TBC1D5: variants seen among roughly 807,000 people sequenced by gnomAD.
TBC1D5 encodes TBC1 domain family, member 5.
In TBC1D5, 75 loss-of-function variants were observed where a neutral mutation model predicts 100.3. That is an observed-to-expected ratio of 0.75 (90% CI 0.62 to 0.91). The LOEUF (loss-of-function observed/expected upper bound fraction) is 0.91, where lower values mean the gene tolerates loss of function less well. Among genes scored for constraint, TBC1D5 ranks in the 40% least tolerant of loss-of-function variants. The pLI, the probability that TBC1D5 is intolerant of heterozygous loss-of-function variation, is 0.00. For missense variants in TBC1D5, 910 were observed against 942.4 expected, an observed-to-expected ratio of 0.97 and a Z score of 0.45; for synonymous variants, 323 against 325.6, an observed-to-expected ratio of 0.99 and a Z score of 0.09.
At chr3:17,310,971 C>T (rs2083962499) in intron 13 of TBC1D5, among the ~76,000 whole-genome samples, 1 of 151,970 alleles carries the variant, frequency 6.6e-6, no homozygotes, top group South Asian at 2.1e-4. Flanking sequence ...ATTCACAACA[C>T]ACAAATTTCC....
At chr3:17,210,648 A>C (rs1344576933) in intron 18 of TBC1D5, among the ~76,000 whole-genome samples, 1 of 152,204 alleles carries the variant, frequency 6.6e-6, no homozygotes, top group Non-Finnish European at 1.5e-5. Context: ...GAACTTTTTC[A>C]GTAATACATC....
At chr3:17,357,460 C>A (rs927730309) in intron 13 of TBC1D5, among the ~76,000 whole-genome samples, 1 of 152,112 alleles carries the variant, frequency 6.6e-6, no homozygotes, top group Non-Finnish European at 1.5e-5. Flanking sequence ...TAGGATTTGG[C>A]ACTGTTGTCA....
exon 3 of TBC1D5, chr3:17,508,501 A>T: frequency 6.2e-7 from 1 of 1,613,674 alleles, no homozygotes; most frequent in Non-Finnish European, 8.5e-7. Context: ...TAACTGGACA[A>T]GGGGTCAATG....
At chr3:17,742,188 G>A (rs9847804), upstream of TBC1D5, among the ~76,000 whole-genome samples, 136 of 152,182 alleles carry the variant, frequency 8.9e-4, 1 homozygote, top group African/African-American at 3.1e-3. Context: ...TGCCCGCCAG[G>A]GAGCTGAAGG....
rs190217298 is a variant in TBC1D5 at position 17,180,187 on chromosome 3, C to T, written c.1852+4922G>A. On this transcript the variant is annotated intron_variant, in intron 19 of 21. Transcript: ENST00000253692. ...GGTTTAATAAAACATATTTTCAATT[C>T]CTGTCTCTAAACCTTTGAATTCAAA... 3.3e-5 allele frequency among the ~76,000 whole-genome samples: 5 copies of T among 152,300 alleles called. No homozygotes were observed. The East Asian group carries it at 9.6e-4, about 29-fold the overall frequency.
intron 1 of TBC1D5, among the ~76,000 whole-genome samples, chr3:17,712,512 C>T (rs1321004694): frequency 6.6e-6 from 1 of 152,144 alleles, no homozygotes; most frequent in Non-Finnish European, 1.5e-5. Flanking sequence ...GAAGAAAAGC[C>T]TTACAGAATC....
intron 1 of TBC1D5, among the ~76,000 whole-genome samples, chr3:17,647,788 A>G (rs960141117): frequency 6.6e-6 from 1 of 152,200 alleles, no homozygotes; most frequent in Non-Finnish European, 1.5e-5. Flanking sequence ...TCTGATAATC[A>G]TTACAAAAGA....
chr3:17,572,786 C>A (rs2096635605), intron 2 of TBC1D5, among the ~76,000 whole-genome samples: 1 of 152,010 alleles, frequency 6.6e-6, no homozygotes, highest in Admixed American at 6.6e-5. Flanking sequence ...TCAGGCATAT[C>A]ATTATTCACT....
chr3:17,350,002 CG>C, intron 13 of TBC1D5, among the ~76,000 whole-genome samples: 1 of 152,042 alleles, frequency 6.6e-6, no homozygotes, highest in South Asian at 2.1e-4. Context: ...TATTGTTGCC[CG>C]GGTGTTTCAT....
intron 2 of TBC1D5, among the ~76,000 whole-genome samples, chr3:17,531,074 T>G (rs1262487333): frequency 6.6e-6 from 1 of 152,222 alleles, no homozygotes; most frequent in Non-Finnish European, 1.5e-5. Context: ...TGATTGTATA[T>G]CTAGAAAACC....
intron 1 of TBC1D5, among the ~76,000 whole-genome samples, chr3:17,654,583 T>C (rs1328478241): frequency 1.3e-5 from 2 of 152,232 alleles, no homozygotes; most frequent in Non-Finnish European, 2.9e-5. Flanking sequence ...TGAGGATTTT[T>C]GCATCAATGT....
At chr3:17,419,300 C>G (rs1349358891) in intron 4 of TBC1D5, among the ~76,000 whole-genome samples, 1 of 152,158 alleles carries the variant, frequency 6.6e-6, no homozygotes, top group Non-Finnish European at 1.5e-5. Flanking sequence ...GCCCCTGTAA[C>G]CAAAGTTCTC....
intron 3 of TBC1D5, among the ~76,000 whole-genome samples, chr3:17,506,300 C>T (rs959422087): frequency 2.0e-5 from 3 of 152,090 alleles, no homozygotes; most frequent in Non-Finnish European, 4.4e-5. Context: ...AAAATATTTA[C>T]CTATACAATG....
intron 3 of TBC1D5, among the ~76,000 whole-genome samples, chr3:17,475,019 A>T (rs1389924483): frequency 2.0e-5 from 3 of 152,154 alleles, no homozygotes; most frequent in Non-Finnish European, 2.9e-5. Flanking sequence ...ATTATTAAGC[A>T]TCCAAAATAT....
At chr3:17,659,229 T>C (rs1181748266) in intron 1 of TBC1D5, among the ~76,000 whole-genome samples, 1 of 152,204 alleles carries the variant, frequency 6.6e-6, no homozygotes, top group African/African-American at 2.4e-5. Flanking sequence ...TGGATTTGTG[T>C]GAGCACATGG....
intron 13 of TBC1D5, among the ~76,000 whole-genome samples, chr3:17,320,683 G>A (rs552395620): frequency 3.7e-4 from 56 of 152,032 alleles, no homozygotes; most frequent in African/African-American, 1.3e-3. Flanking sequence ...GATTCATCTG[G>A]TATTCATTTT....
At chr3:17,607,667 C>A (rs931002875) in intron 2 of TBC1D5, among the ~76,000 whole-genome samples, 2 of 152,004 alleles carry the variant, frequency 1.3e-5, no homozygotes, top group Non-Finnish European at 2.9e-5. Context: ...GCCAATACCC[C>A]CCAAAAACAC....
chr3:17,670,139 C>T (rs1424209364), intron 1 of TBC1D5, among the ~76,000 whole-genome samples: 2 of 152,144 alleles, frequency 1.3e-5, no homozygotes, highest in African/African-American at 4.8e-5. Context: ...CTGCTCACCT[C>T]GGCCTCCCAA....
intron 1 of TBC1D5, among the ~76,000 whole-genome samples, chr3:17,649,561 A>G (rs570454734): frequency 1.5e-4 from 23 of 152,336 alleles, no homozygotes; most frequent in African/African-American, 5.5e-4. Flanking sequence ...ATCACTGGTC[A>G]TTAGAGAAAT....
Sources: gnomAD v4.1 joint callset for allele counts (sites outside exome capture counted in the v4.1 genomes callset) on GRCh38, gnomAD v4.1.1 for gene constraint, MANE v1.5 for transcripts, NCBI Gene and HGNC (gene_info 2026-07-23, HGNC 2026-07-21) for gene names.